Variants in EFCAB6 observed in about 807,000 individuals in gnomAD.
EFCAB6 encodes the protein EF-hand calcium-binding domain-containing protein 6.
In EFCAB6, 156 loss-of-function variants were observed where a neutral mutation model predicts 169.8. That is an observed-to-expected ratio of 0.92 (90% CI 0.81 to 1.05). EFCAB6 has a LOEUF of 1.05. Ranked by LOEUF, EFCAB6 falls within the 50% of genes least tolerant of loss-of-function variation. The pLI is 0.00. For synonymous variants in EFCAB6, 698 were observed against 676.4 expected, an observed-to-expected ratio of 1.03 and a Z score of -0.50; for missense variants, 1,800 against 1,829.1, an observed-to-expected ratio of 0.98 and a Z score of 0.29.
intron 3 of EFCAB6, among the ~76,000 whole-genome samples, chr22:43,779,637 G>A (rs2061749244): frequency 6.6e-6 from 1 of 152,148 alleles, no homozygotes; most frequent in Non-Finnish European, 1.5e-5. Context: ...CTACTCAGGA[G>A]GCTGAGGCAG....
chr22:43,607,458 G>A (rs2053004341), intron 22 of EFCAB6, among the ~76,000 whole-genome samples: 1 of 152,144 alleles, frequency 6.6e-6, no homozygotes, highest in South Asian at 2.1e-4. Flanking sequence ...CTGAGAGGCA[G>A]GGCTATGCAT....
Position 43,555,075 on chromosome 22 carries a change from T to C in EFCAB6, c.3442A>G (p.Lys1148Glu), listed in dbSNP as rs1188650601. The stretch of plus-strand genomic sequence containing the variant: ...GTAGGCGGCGGGCCTTTGGGCATTT[T>C]CTCAGCCCACTCATCAGCTGTCTGG... ...LEETADEWAE[K>E]MPKGPPPTSP... The change falls in exon 27 of 32, where the codon AAA becomes GAA. Residue 1148 changes from lysine (K) to glutamate (E), a missense_variant. Physicochemically the swap from Lys to Glu is moderately conservative, Grantham distance 56 (BLOSUM62 1). Coordinates refer to ENST00000262726, the MANE Select transcript of EFCAB6 (RefSeq NM_022785.4). 2 of 1,614,248 alleles carry C rather than the reference T, an allele frequency of 1.2e-6. No individual in the cohort carries two copies. Among genetic ancestry groups the C allele is most frequent in the Non-Finnish European group, 1.7e-6 (2 of 1,180,042 alleles).
intron 26 of EFCAB6, among the ~76,000 whole-genome samples, chr22:43,557,809 C>T (rs567466413): frequency 2.0e-5 from 3 of 152,210 alleles, no homozygotes; most frequent in Non-Finnish European, 4.4e-5. Context: ...AAAAATAACA[C>T]ACCAAGATCA....
chr22:43,714,528 T>C (rs2059266003), intron 9 of EFCAB6, among the ~76,000 whole-genome samples: 1 of 65,728 alleles, frequency 1.5e-5, no homozygotes, highest in African/African-American at 5.4e-5. Context: ...ATTTCAAGGA[T>C]CAAGAAAAAA....
At chr22:43,736,029 A>G (rs1333733388) in intron 6 of EFCAB6, 36 bp from the exon 7 acceptor site, 4 of 1,575,380 alleles carry the variant, frequency 2.5e-6, no homozygotes, top group Admixed American at 3.8e-5. Flanking sequence ...AAGTCAAAAG[A>G]TCTAGTGTTA....
chr22:43,779,065 T>C (rs1475006856), intron 3 of EFCAB6, among the ~76,000 whole-genome samples: 1 of 152,076 alleles, frequency 6.6e-6, no homozygotes, highest in African/African-American at 2.4e-5. Context: ...GAGAACATGG[T>C]GAACATATAG....
chr22:43,789,882 C>CACACACACAA (rs1319429412), intron 2 of EFCAB6, among the ~76,000 whole-genome samples: 5 of 151,100 alleles, frequency 3.3e-5, no homozygotes, highest in Admixed American at 6.6e-5. Flanking sequence ...CACACACACA[C>CACACACACAA]AAAAGTCTTC....
chr22:43,600,419 C>T (rs2052416509), intron 22 of EFCAB6, among the ~76,000 whole-genome samples, 156 bp from the exon 23 acceptor site: 2 of 152,146 alleles, frequency 1.3e-5, no homozygotes, highest in South Asian at 2.1e-4. Flanking sequence ...ATCAGCCCCG[C>T]CTGGCAGAGC....
At chr22:43,754,004 G>A (rs978335886) in intron 6 of EFCAB6, among the ~76,000 whole-genome samples, 7 of 152,180 alleles carry the variant, frequency 4.6e-5, no homozygotes, top group Non-Finnish European at 7.3e-5. Flanking sequence ...CAACATTAGT[G>A]TGTGACCGTT....
At chr22:43,554,729 G>A in intron 27 of EFCAB6, 140 bp downstream of exon 27, 1 of 710,080 alleles carries the variant, frequency 1.4e-6, no homozygotes. Flanking sequence ...TGAATCTTCA[G>A]GAAGATTGAA....
intron 4 of EFCAB6, among the ~76,000 whole-genome samples, chr22:43,771,343 T>A (rs912343687): frequency 2.0e-5 from 3 of 152,068 alleles, no homozygotes; most frequent in African/African-American, 4.8e-5. Context: ...GGCACAAGAA[T>A]CACTTGAACT....
intron 22 of EFCAB6, among the ~76,000 whole-genome samples, chr22:43,607,629 C>G (rs1410832523): frequency 6.6e-6 from 1 of 152,186 alleles, no homozygotes; most frequent in African/African-American, 2.4e-5. Context: ...AAATTAGACA[C>G]AAAACAACCC....
chr22:43,797,979 A>G (rs550458961), intron 2 of EFCAB6, among the ~76,000 whole-genome samples: 78 of 152,180 alleles, frequency 5.1e-4, no homozygotes, highest in African/African-American at 1.9e-3. Flanking sequence ...CTAACAATCA[A>G]TGGTTCTCAC....
chr22:43,671,810 C>G (rs888473267), intron 15 of EFCAB6, among the ~76,000 whole-genome samples, 163 bp downstream of exon 15: 5 of 152,146 alleles, frequency 3.3e-5, no homozygotes, highest in African/African-American at 1.2e-4. Flanking sequence ...TAATGCATGT[C>G]AAACTCTTAA....
At chr22:43,635,965 A>G (rs1393493539) in intron 17 of EFCAB6, among the ~76,000 whole-genome samples, 1 of 152,240 alleles carries the variant, frequency 6.6e-6, no homozygotes, top group African/African-American at 2.4e-5. Flanking sequence ...AGCCACCCAC[A>G]GAAGGGATGC....
At chr22:43,670,908 G>A (rs1255770488) in intron 15 of EFCAB6, among the ~76,000 whole-genome samples, 3 of 152,232 alleles carry the variant, frequency 2.0e-5, no homozygotes, top group Admixed American at 6.5e-5. Context: ...CACTGGCTGA[G>A]ACCTCACCAT....
chr22:43,716,741 G>A, intron 9 of EFCAB6, 107 bp downstream of exon 9: 2 of 1,381,820 alleles, frequency 1.4e-6, no homozygotes, highest in Non-Finnish European at 1.9e-6. Flanking sequence ...GACATAGGTA[G>A]GATCGAAACA....
chr22:43,591,344 C>A (rs936352668), intron 23 of EFCAB6, among the ~76,000 whole-genome samples: 2 of 151,092 alleles, frequency 1.3e-5, no homozygotes, highest in Non-Finnish European at 2.9e-5. Flanking sequence ...GTAATCCCAG[C>A]TACTCGAGAG....
Position 43,687,464 on chromosome 22 carries a change from T to TTTTTAA in EFCAB6, c.1142+6_1142+7insTTAAAA. ...TAAAATTTGTTTTTTTTTTTTTTTT[T>TTTTTAA]ACATACCTATTTCTTTTTGTCAGGG... On this transcript the variant is annotated splice_region_variant and intron_variant, in intron 11 of 31. Coordinates refer to ENST00000262726, the MANE Select transcript of EFCAB6 (RefSeq NM_022785.4). 3 of 1,422,230 alleles carry TTTTTAA rather than the reference T, an allele frequency of 2.1e-6. No individual in the cohort carries two copies. Among genetic ancestry groups the TTTTTAA allele is most frequent in the Non-Finnish European group, 2.9e-6 (3 of 1,046,336 alleles). The allele number at this position is 1,422,230 out of a possible 1,614,324, so 88.1% of individuals were successfully genotyped here.
Sources: gnomAD v4.1 joint callset for allele counts (sites outside exome capture counted in the v4.1 genomes callset) on GRCh38, gnomAD v4.1.1 for gene constraint, MANE v1.5 for transcripts, NCBI Gene and HGNC (gene_info 2026-07-23, HGNC 2026-07-21) for gene names.